Variants in CORO1C observed in about 807,000 individuals in gnomAD.
CORO1C encodes the protein coronin 1C.
In CORO1C, 14 loss-of-function variants were observed where a neutral mutation model predicts 51.2. The ratio of observed to expected loss-of-function variants is 0.27; its 90% CI spans 0.18 to 0.43. The LOEUF (loss-of-function observed/expected upper bound fraction) is 0.43. CORO1C is among the 20% of genes least tolerant of loss of function. The pLI is 1.00. For synonymous variants in CORO1C, 181 were observed against 210.5 expected (o/e 0.86, Z 1.21); for missense variants, 417 against 607.8 (o/e 0.69, Z 3.30).
chr12:108,699,981 A>G (rs1174656993), intron 2 of CORO1C, among the ~76,000 whole-genome samples: 4 of 152,220 alleles, frequency 2.6e-5, no homozygotes, highest in Non-Finnish European at 5.9e-5. Context: ...TCTCTGAAAC[A>G]AAAGTCCAAG....
chr12:108,666,660 G>A (rs1335830517), intron 3 of CORO1C, among the ~76,000 whole-genome samples: 1 of 152,198 alleles, frequency 6.6e-6, no homozygotes, highest in East Asian at 1.9e-4. Context: ...TGTGTAATAT[G>A]GGATGCTGGC....
chr12:108,688,618 C>A (rs1182941967), intron 2 of CORO1C, among the ~76,000 whole-genome samples: 1 of 152,138 alleles, frequency 6.6e-6, no homozygotes, highest in African/African-American at 2.4e-5. Flanking sequence ...TAAAATGGAT[C>A]AATCTAAGCT....
At chr12:108,678,229 G>A (rs372482431) in intron 3 of CORO1C, 43 bp downstream of exon 3, 37 of 1,579,372 alleles carry the variant, frequency 2.3e-5, no homozygotes, top group South Asian at 4.6e-5. Flanking sequence ...AGCAGTAGGT[G>A]AGTCTCACTG....
At chr12:108,722,005 C>G (rs1443926156) in intron 1 of CORO1C, among the ~76,000 whole-genome samples, 2 of 152,134 alleles carry the variant, frequency 1.3e-5, no homozygotes, top group Admixed American at 6.5e-5. Flanking sequence ...CTAAAGCAGG[C>G]ATGGTTTCTT....
intron 3 of CORO1C, among the ~76,000 whole-genome samples, chr12:108,678,018 C>CAA (rs139621669): frequency 3.2e-4 from 43 of 132,784 alleles, no homozygotes; most frequent in Non-Finnish European, 3.1e-4. Flanking sequence ...GACTCCATCT[C>CAA]AAAAAAAAAA....
At chr12:108,648,888 G>T in intron 9 of CORO1C, 38 bp from the exon 10 acceptor site, 3 of 1,613,204 alleles carry the variant, frequency 1.9e-6, no homozygotes, top group Non-Finnish European at 2.5e-6. Flanking sequence ...TAAGGAAGAA[G>T]AAAGGCCTGG....
chr12:108,708,191 G>C (rs1301093860), intron 1 of CORO1C, among the ~76,000 whole-genome samples: 2 of 152,136 alleles, frequency 1.3e-5, no homozygotes, highest in Admixed American at 6.6e-5. Flanking sequence ...CTTCATGGAA[G>C]CATTATTTAC....
At position 108,659,216 on chromosome 12, in the gene CORO1C, CAAAG is replaced by C. The variant is rs200256524; in HGVS notation, c.449-301_449-298del. On this transcript the variant is annotated intron_variant, in intron 4 of 10. Coordinates refer to ENST00000261401, the MANE Select transcript of CORO1C (RefSeq NM_014325.4). Reference sequence around the variant, plus strand: ...TATGAAACAATCAACCAAACAAAAACAAAGAACCACACCAAAACAGAACCCTATT... The same window carrying C: ...TATGAAACAATCAACCAAACAAAAACAACCACACCAAAACAGAACCCTATT... Among the ~76,000 whole-genome samples, 315 of 152,280 alleles carry C rather than the reference CAAAG, an allele frequency of 2.1e-3. 5 individuals carry two copies. In the East Asian group the frequency reaches 0.044, roughly 21 times the overall value.
intron 1 of CORO1C, among the ~76,000 whole-genome samples, chr12:108,706,533 G>A (rs527741062): frequency 1.6e-4 from 25 of 152,288 alleles, no homozygotes; most frequent in African/African-American, 4.8e-4. Context: ...AGAAAATCCC[G>A]AGGAATCCAC....
chr12:108,679,109 C>CAAAAAAAAAAAAAAAAAAAAAAAAAA (rs1183326267), intron 2 of CORO1C, among the ~76,000 whole-genome samples: 10 of 22,114 alleles, frequency 4.5e-4, no homozygotes, highest in African/African-American at 4.3e-4. Flanking sequence ...GACTCTGTCT[C>CAAAAAAAAAAAAAAAAAAAAAAAAAA]AAAAAAAAAA....
intron 3 of CORO1C, among the ~76,000 whole-genome samples, chr12:108,675,794 T>A (rs1039394400): frequency 6.6e-6 from 1 of 152,216 alleles, no homozygotes; most frequent in Admixed American, 6.5e-5. Flanking sequence ...TGTGACATCA[T>A]GTGCTTCCTA....
intron 8 of CORO1C, among the ~76,000 whole-genome samples, chr12:108,651,876 T>A (rs554553284): frequency 3.3e-5 from 5 of 152,092 alleles, no homozygotes; most frequent in Non-Finnish European, 7.4e-5. Context: ...AAAAGTGAGA[T>A]GTGCCGGGTG....
At chr12:108,656,984 C>T (rs917342378) in intron 6 of CORO1C, among the ~76,000 whole-genome samples, 3 of 152,102 alleles carry the variant, frequency 2.0e-5, no homozygotes, top group African/African-American at 7.2e-5. Context: ...GACCTTCCCT[C>T]CACTATTGTC....
rs564476727 is a variant in CORO1C, at chr12:108,649,838, G to A, written c.1002-818C>T. On this transcript the variant is annotated intron_variant, in intron 8 of 10. Transcript: ENST00000261401. ...TCCTGGCCAGATCACCAGATCAAAC[G>A]GCTGGTGTGCAAGGGGGGAGTTGAA... 9.8e-5 allele frequency among the ~76,000 whole-genome samples: 15 copies of A among 152,306 alleles called. No individual in the cohort carries two copies. In the East Asian group the frequency reaches 2.5e-3, roughly 25 times the overall value.
intron 3 of CORO1C, among the ~76,000 whole-genome samples, chr12:108,666,865 T>A (rs2033499944): frequency 6.6e-6 from 1 of 152,164 alleles, no homozygotes; most frequent in Non-Finnish European, 1.5e-5. Context: ...TAATAGGAAA[T>A]ACTGCAACTA....
At chr12:108,657,487 T>C in intron 5 of CORO1C, 64 bp from the exon 6 acceptor site, 1 of 1,573,092 alleles carries the variant, frequency 6.4e-7, no homozygotes. Flanking sequence ...GTGGAGAAAC[T>C]CGGGCACAGA....
At chr12:108,693,238 T>C (rs2034559684) in intron 2 of CORO1C, among the ~76,000 whole-genome samples, 1 of 152,218 alleles carries the variant, frequency 6.6e-6, no homozygotes, top group Admixed American at 6.5e-5. Context: ...CTCACGGTCT[T>C]GGACAACCAC....
chr12:108,679,471 G>A (rs2034047559), intron 2 of CORO1C, among the ~76,000 whole-genome samples: 1 of 152,184 alleles, frequency 6.6e-6, no homozygotes, highest in African/African-American at 2.4e-5. Flanking sequence ...GTTAACAATG[G>A]GTATATGAAA....
intron 2 of CORO1C, among the ~76,000 whole-genome samples, chr12:108,683,886 T>C (rs2034209970): frequency 6.6e-6 from 1 of 151,998 alleles, no homozygotes; most frequent in African/African-American, 2.4e-5. Context: ...AAAGTGCCAC[T>C]GAATTCATCA....
Sources: allele counts gnomAD v4.1 joint callset (sites outside exome capture counted in the v4.1 genomes callset), GRCh38; gene constraint gnomAD v4.1.1; transcripts MANE v1.5; gene names NCBI Gene and HGNC (gene_info 2026-07-23, HGNC 2026-07-21).